FARS2: variants seen among roughly 807,000 people sequenced by gnomAD.
FARS2 encodes phenylalanyl-tRNA synthetase 2, mitochondrial.
A neutral mutation model predicts 46.4 loss-of-function variants in FARS2; 40 were observed. The ratio of observed to expected loss-of-function variants is 0.86; its 90% CI spans 0.67 to 1.12. The LOEUF is 1.12. Among genes scored for constraint, FARS2 ranks in the 50% most tolerant of loss-of-function variants. The pLI is 0.00. For missense variants in FARS2, 513 were observed against 567.9 expected (o/e 0.90, Z 0.98); for synonymous variants, 234 against 214.9 (o/e 1.09, Z -0.78).
intron 6 of FARS2, among the ~76,000 whole-genome samples, chr6:5,662,612 T>C (rs371854805): frequency 2.0e-5 from 3 of 152,212 alleles, no homozygotes; most frequent in East Asian, 1.9e-4. Context: ...TCCATCCAAA[T>C]GTGTATAAAG....
chr6:5,608,446 A>C (rs890235572), intron 5 of FARS2, among the ~76,000 whole-genome samples: 3 of 152,182 alleles, frequency 2.0e-5, no homozygotes, highest in Non-Finnish European at 4.4e-5. Flanking sequence ...CAAAGTTTCC[A>C]AGTTCATTCT....
chr6:5,458,568 A>G (rs1765046230), intron 4 of FARS2, among the ~76,000 whole-genome samples: 1 of 152,136 alleles, frequency 6.6e-6, no homozygotes, highest in Non-Finnish European at 1.5e-5. Context: ...CCACATAGAG[A>G]TCAGGCCCAT....
intron 6 of FARS2, among the ~76,000 whole-genome samples, chr6:5,648,650 TTTTC>T (rs1777196207): frequency 6.6e-6 from 1 of 152,162 alleles, no homozygotes; most frequent in Admixed American, 6.5e-5. Flanking sequence ...TTCTCTCCTC[TTTTC>T]TTTCTCTCTT....
chr6:5,313,748 T>G (rs1250508389), intron 1 of FARS2, among the ~76,000 whole-genome samples: 2 of 152,118 alleles, frequency 1.3e-5, no homozygotes, highest in African/African-American at 4.8e-5. Flanking sequence ...GAAGTGGTCA[T>G]AGGTGAGCCT....
rs111698634 is a variant in FARS2, at chr6:5,722,631, C to T, written c.1218-48660C>T. On this transcript the variant is annotated intron_variant, in intron 6 of 6. Transcript: ENST00000274680. ...GCTGAGCATGGTGAGGAGGGGGAAG[C>T]GCAGGGAGAGAAAAGGTCAGTGAGG... is the stretch of plus-strand genomic sequence containing the variant. 3.1e-3 allele frequency among the ~76,000 whole-genome samples: 472 copies of T among 152,198 alleles called. 1 individual carries two copies. Among genetic ancestry groups the T allele is most frequent in the Non-Finnish European group, 4.1e-3 (281 of 68,014 alleles).
chr6:5,580,927 G>A (rs1339393586), intron 5 of FARS2, among the ~76,000 whole-genome samples: 6 of 152,200 alleles, frequency 3.9e-5, no homozygotes, highest in African/African-American at 9.7e-5. Context: ...TAGTATGAAC[G>A]ATAAACAGAA....
chr6:5,264,708 A>G (rs1449663953), intron 1 of FARS2, among the ~76,000 whole-genome samples: 5 of 152,126 alleles, frequency 3.3e-5, no homozygotes, highest in East Asian at 3.9e-4. Flanking sequence ...CGCCCGGCCC[A>G]TAAGTACCAT....
chr6:5,257,962 T>C (rs1265537681), upstream of FARS2, among the ~76,000 whole-genome samples: 1 of 151,950 alleles, frequency 6.6e-6, no homozygotes, highest in Non-Finnish European at 1.5e-5. Flanking sequence ...GTGGAAGCTG[T>C]GGGATGAAGA....
chr6:5,359,162 C>T (rs919483874), intron 1 of FARS2, among the ~76,000 whole-genome samples: 1 of 151,378 alleles, frequency 6.6e-6, no homozygotes, highest in African/African-American at 2.4e-5. Flanking sequence ...GCCTCAGCCT[C>T]CCCAGTAGCT....
chr6:5,723,256 G>C (rs1582832709), intron 6 of FARS2, among the ~76,000 whole-genome samples: 1 of 152,134 alleles, frequency 6.6e-6, no homozygotes, highest in East Asian at 1.9e-4. Flanking sequence ...AGAGAATAAG[G>C]GTAGAAAAGA....
chr6:5,530,988 C>A (rs920423967), intron 4 of FARS2, among the ~76,000 whole-genome samples: 1 of 151,202 alleles, frequency 6.6e-6, no homozygotes, highest in African/African-American at 2.4e-5. Flanking sequence ...AAATACAGGG[C>A]TGCTGATCTC....
intron 4 of FARS2, among the ~76,000 whole-genome samples, chr6:5,446,894 C>T (rs1290904781): frequency 2.0e-5 from 3 of 152,014 alleles, no homozygotes; most frequent in East Asian, 1.9e-4. Context: ...GGTGCAGAGA[C>T]ACAGGGAGGG....
At chr6:5,711,839 G>T (rs1759190872) in intron 6 of FARS2, among the ~76,000 whole-genome samples, 1 of 152,176 alleles carries the variant, frequency 6.6e-6, no homozygotes, top group African/African-American at 2.4e-5. Flanking sequence ...GAGGGAATCT[G>T]AATAAAGCGT....
intron 4 of FARS2, among the ~76,000 whole-genome samples, chr6:5,516,925 G>A (rs989954108): frequency 5.3e-5 from 8 of 152,146 alleles, no homozygotes; most frequent in African/African-American, 1.9e-4. Flanking sequence ...TAAGCATTTT[G>A]CAAGATGCTT....
chr6:5,767,144 C>T (rs1762795071), intron 6 of FARS2, among the ~76,000 whole-genome samples: 1 of 151,998 alleles, frequency 6.6e-6, no homozygotes, highest in Non-Finnish European at 1.5e-5. Flanking sequence ...CAACCTCCAC[C>T]TCCCAGATTC....
chr6:5,277,720 G>C (rs1298565240), intron 1 of FARS2, among the ~76,000 whole-genome samples: 3 of 152,150 alleles, frequency 2.0e-5, no homozygotes, highest in African/African-American at 7.2e-5. Context: ...ATATTTTGGG[G>C]ACTTTTGGTT....
chr6:5,616,026 A>C (rs995932681), intron 6 of FARS2, among the ~76,000 whole-genome samples: 2 of 151,068 alleles, frequency 1.3e-5, no homozygotes, highest in Admixed American at 6.6e-5. Flanking sequence ...AAAAAAAAAA[A>C]AAAAAAAAAC....
chr6:5,589,622 T>G (rs1175062610), intron 5 of FARS2, among the ~76,000 whole-genome samples: 3 of 152,242 alleles, frequency 2.0e-5, no homozygotes, highest in African/African-American at 7.2e-5. Flanking sequence ...CAGTGATTCC[T>G]TAAGTGTTAG....
chr6:5,592,144 G>A (rs1304635771), intron 5 of FARS2, among the ~76,000 whole-genome samples: 1 of 152,140 alleles, frequency 6.6e-6, no homozygotes, highest in East Asian at 1.9e-4. Context: ...CAGCACTTTG[G>A]GAGGCCAAGG....
Sources: gnomAD v4.1 joint callset for allele counts (sites outside exome capture counted in the v4.1 genomes callset) on GRCh38, gnomAD v4.1.1 for gene constraint, MANE v1.5 for transcripts, NCBI Gene and HGNC (gene_info 2026-07-23, HGNC 2026-07-21) for gene names.